PPP1R11: variants seen among roughly 807,000 people sequenced by gnomAD.
The protein encoded by PPP1R11 is protein phosphatase 1 regulatory inhibitor subunit 11, also known as E3 ubiquitin-protein ligase PPP1R11.
In PPP1R11, 10 loss-of-function variants were observed where a neutral mutation model predicts 11.3. The observed-to-expected ratio is 0.88, with a 90% CI of 0.55 to 1.50. The LOEUF (loss-of-function observed/expected upper bound fraction) is 1.50. Ranked by LOEUF, PPP1R11 falls within the 40% of genes most tolerant of loss-of-function variation. The probability of loss-of-function intolerance (pLI) is 0.00; values close to 1 mark genes in which losing one functional copy is unlikely to be tolerated. For synonymous variants in PPP1R11, 56 were observed against 62.3 expected (o/e 0.90, Z 0.48); for missense variants, 114 against 179.1 (o/e 0.64, Z 2.07).
In PPP1R11 at chr6:30,069,909, T is replaced by C. The variant is rs8347; in HGVS notation, c.*603T>C. 36,666 of 152,240 alleles carry C rather than the reference T, an allele frequency of 0.24. 6,029 individuals carry two copies. Among genetic ancestry groups the C allele is most frequent in the African/African-American group, 0.45 (18,827 of 41,430 alleles). The allele number at this position is 152,240 out of a possible 1,614,324, so 9.4% of individuals were successfully genotyped here. ...TTCTCACCTCTTATGGAAAATGGAA[T>C]AAGAAATAATCATATCCTTTCTTCC... On this transcript the variant is annotated 3_prime_UTR_variant, in exon 3 of 3. Coordinates refer to ENST00000376772, the MANE Select transcript of PPP1R11 (RefSeq NM_021959.3). The surrounding 1 kb of genome is among the most constrained non-coding windows in gnomAD (Gnocchi z 6.6).
upstream of PPP1R11, chr6:30,064,772 TC>T: frequency 7.4e-7 from 1 of 1,346,020 alleles, no homozygotes; most frequent in Non-Finnish European, 1.0e-6. Context: ...AGATGCCTTG[TC>T]CATCCTGTCT....
rs1765607080 is a variant in PPP1R11 at position 30,067,252 on chromosome 6, G to T, written c.-159G>T. ...GGGGTTAGCCAGGTTATCCCCAGGG[G>T]TGGAGAAGCGGAGGCCCAGGAGGAG... On this transcript the variant is annotated 5_prime_UTR_variant, in exon 1 of 3. Coordinates refer to ENST00000376772, the MANE Select transcript of PPP1R11 (RefSeq NM_021959.3). 2 of 718,740 alleles carry T rather than the reference G, an allele frequency of 2.8e-6. No homozygotes were observed. The highest frequency in any genetic ancestry group is 1.9e-5 in the South Asian group (1 of 51,416). The allele number at this position is 718,740 out of a possible 1,614,324, so 44.5% of individuals were successfully genotyped here.
chr6:30,062,142 G>A, upstream of PPP1R11: 2 of 1,454,520 alleles, frequency 1.4e-6, no homozygotes, highest in Non-Finnish European at 1.9e-6. Context: ...AACCATCGAC[G>A]TTTGAGAGGC....
intron 1 of PPP1R11, 137 bp from the exon 2 acceptor site, chr6:30,068,453 T>C (rs1381771315): frequency 3.1e-6 from 2 of 640,026 alleles, no homozygotes; most frequent in African/African-American, 1.8e-5. Flanking sequence ...TTCTGTTTTA[T>C]CTTCTGTCAG....
At chr6:30,062,609 G>A (rs1021790012), upstream of PPP1R11, among the ~76,000 whole-genome samples, 2 of 133,668 alleles carry the variant, frequency 1.5e-5, no homozygotes, top group African/African-American at 5.8e-5. Context: ...GGAGTGCAGC[G>A]AGGCAATCTT....
At chr6:30,066,420 A>C (rs1205759376), upstream of PPP1R11, among the ~76,000 whole-genome samples, 2 of 152,204 alleles carry the variant, frequency 1.3e-5, no homozygotes, top group African/African-American at 4.8e-5. Context: ...ATTTTTATAA[A>C]ATAGCCTATA....
chr6:30,062,008 G>A (rs762803270), upstream of PPP1R11: 1 of 1,613,072 alleles, frequency 6.2e-7, no homozygotes, highest in South Asian at 1.1e-5. Flanking sequence ...CTGAGTGCCA[G>A]GGACCTGTGG....
chr6:30,061,748 G>A, upstream of PPP1R11: 1 of 1,597,120 alleles, frequency 6.3e-7, no homozygotes. This position sits in a 1 kb window ranked among gnomAD's most constrained non-coding sequence, Gnocchi z 5.0. Flanking sequence ...GTTGGGTTGA[G>A]GAGGGGATCC....
At chr6:30,066,610 CAGGG>C (rs1441678345), upstream of PPP1R11, 1 of 152,198 alleles carries the variant, frequency 6.6e-6, no homozygotes, top group Non-Finnish European at 1.5e-5. Context: ...AGCTAAAAGG[CAGGG>C]TCTGAGCGTC....
upstream of PPP1R11, chr6:30,062,222 A>G (rs776774508): frequency 1.2e-6 from 2 of 1,611,980 alleles, no homozygotes; most frequent in South Asian, 2.2e-5. Flanking sequence ...GTTTCTTCCC[A>G]GGTTGACAGG....
chr6:30,062,659 T>G (rs185572397), upstream of PPP1R11, among the ~76,000 whole-genome samples: 1,682 of 124,606 alleles, frequency 0.013, 17 homozygotes, highest in Middle Eastern at 0.028. Context: ...CAGGTAATCC[T>G]CCCACCTCAG....
upstream of PPP1R11, chr6:30,061,736 C>T: frequency 6.2e-7 from 1 of 1,603,824 alleles, no homozygotes; most frequent in Non-Finnish European, 8.5e-7. The surrounding 1 kb of genome is among the most constrained non-coding windows in gnomAD (Gnocchi z 5.0). Context: ...AACTCAAGAT[C>T]GGTTGGGTTG....
upstream of PPP1R11, among the ~76,000 whole-genome samples, chr6:30,062,707 C>T (rs996050852): frequency 2.3e-5 from 3 of 130,518 alleles, no homozygotes; most frequent in African/African-American, 6.4e-5. Flanking sequence ...CATGCCACCA[C>T]GCCTGGCTTT....
In PPP1R11 at chr6:30,069,209, G is replaced by A. The variant is rs765467277; in HGVS notation, c.284G>A (p.Arg95His). Residue 95 changes from arginine (R) to histidine (H), a missense_variant, in exon 3 of 3, where the codon CGC (arginine) becomes CAC (histidine). Arg to His is a conservative substitution (Grantham distance 29). Coordinates refer to ENST00000376772, the MANE Select transcript of PPP1R11 (RefSeq NM_021959.3). This position sits in a 1 kb window ranked among gnomAD's most constrained non-coding sequence, Gnocchi z 6.6. Reference protein sequence around the residue: ...CGHTHCVRGHRKGRRRATLGP... With the variant: ...CGHTHCVRGHHKGRRRATLGP... ...CATACACACTGTGTACGTGGCCACCGCAAAGGACGGCGTCGTGCAACCCTA... is the reference window on the plus strand; with the variant it reads ...CATACACACTGTGTACGTGGCCACCACAAAGGACGGCGTCGTGCAACCCTA... 28 of 1,612,772 alleles carry A rather than the reference G, an allele frequency of 1.7e-5. No individual in the cohort carries two copies. Among genetic ancestry groups the A allele is most frequent in the African/African-American group, 4.0e-5 (3 of 74,878 alleles).
At chr6:30,061,363 G>A in the PPP1R11 span, 3 of 723,956 alleles carry the variant, frequency 4.1e-6, no homozygotes, top group Admixed American at 2.6e-5. The surrounding 1 kb of genome is among the most constrained non-coding windows in gnomAD (Gnocchi z 5.0). Context: ...TGGGAATTCC[G>A]GGCGTTTCGG....
chr6:30,065,002 T>C (rs1765394454), upstream of PPP1R11: 1 of 305,024 alleles, frequency 3.3e-6, no homozygotes, highest in Non-Finnish European at 5.9e-6. The surrounding 1 kb of genome is among the most constrained non-coding windows in gnomAD (Gnocchi z 5.3). Context: ...GGGGAAAAAT[T>C]AGGACAAAAA....
Position 30,067,375 on chromosome 6 carries a change from CCCTTCCTCCTCT to C in PPP1R11, c.-32_-21del. Reference sequence around the variant, plus strand: ...AGAAAAAGGGAAGGGTGTCTCATCCCCCTTCCTCCTCTCCTCCCTGTCCTGAGCCTTAGCCAT... The same window carrying C: ...AGAAAAAGGGAAGGGTGTCTCATCCCCCTCCCTGTCCTGAGCCTTAGCCAT... On this transcript the variant is annotated 5_prime_UTR_variant, in exon 1 of 3. Coordinates refer to ENST00000376772, the MANE Select transcript of PPP1R11 (RefSeq NM_021959.3). 6.3e-7 allele frequency: 1 copy of C among 1,598,760 alleles called. No homozygotes were observed.
rs907324509 is a variant in PPP1R11 at position 30,069,700 on chromosome 6, T to C, written c.*394T>C. On this transcript the variant is annotated 3_prime_UTR_variant, in exon 3 of 3. Transcript: ENST00000376772. This position sits in a 1 kb window ranked among gnomAD's most constrained non-coding sequence, Gnocchi z 6.6. The stretch of plus-strand genomic sequence containing the variant: ...CAGGGTCCCAGTCAGATTCCAGGAA[T>C]TTGCGCCCTAACTTTGCTTGCTAAT... 9.1e-6 allele frequency: 2 copies of C among 220,146 alleles called. No homozygotes were observed. Among genetic ancestry groups the C allele is most frequent in the Non-Finnish European group, 1.8e-5 (2 of 112,824 alleles). The allele number at this position is 220,146 out of a possible 1,614,324, so 13.6% of individuals were successfully genotyped here. A position where few individuals can be genotyped will look rare whatever the true frequency, so the allele number is the denominator to read the frequency against.
chr6:30,062,195 G>C (rs768370574), upstream of PPP1R11: 1 of 1,569,298 alleles, frequency 6.4e-7, no homozygotes, highest in Non-Finnish European at 8.8e-7. Context: ...ATATGACCAG[G>C]CCTCCCTAAC....
Sources: allele counts gnomAD v4.1 joint callset (sites outside exome capture counted in the v4.1 genomes callset), GRCh38; gene constraint gnomAD v4.1.1; non-coding constraint Gnocchi (gnomAD v3.1); transcripts MANE v1.5; gene names NCBI Gene and HGNC (gene_info 2026-07-23, HGNC 2026-07-21).